FNIP1: variants seen among roughly 807,000 people sequenced by gnomAD.
FNIP1 encodes the protein folliculin-interacting protein 1.
Under a neutral mutation model 124.5 loss-of-function variants are expected in FNIP1, and 40 were observed. That is an observed-to-expected ratio of 0.32 (90% CI 0.25 to 0.42). FNIP1 has a LOEUF of 0.42. FNIP1 is among the 10% of genes least tolerant of loss of function. The probability of loss-of-function intolerance (pLI) is 1.00; values close to 1 mark genes in which losing one functional copy is unlikely to be tolerated. For missense variants in FNIP1, 1,176 were observed against 1,403.7 expected (o/e 0.84, Z 2.59); for synonymous variants, 472 against 470.6 (o/e 1.00, Z -0.04).
At chr5:131,753,396 T>C (rs925026420) in intron 1 of FNIP1, among the ~76,000 whole-genome samples, 1 of 152,230 alleles carries the variant, frequency 6.6e-6, no homozygotes, top group Non-Finnish European at 1.5e-5. Flanking sequence ...GATATATTCC[T>C]ACATTGAAAT....
In FNIP1 at chr5:131,642,794, G is replaced by GGGA. The variant is rs1766753823; in HGVS notation, c.*1888_*1890dup. The GGGA allele has an allele frequency of 6.7e-6, 1 of 149,832 alleles. No individual in the cohort carries two copies. Among genetic ancestry groups the GGGA allele is most frequent in the Admixed American group, 6.7e-5 (1 of 14,876 alleles). 9.3% of individuals were successfully genotyped at this position (149,832 alleles called of 1,614,324 possible). On this transcript the variant is annotated 3_prime_UTR_variant, in exon 18 of 18. Transcript: ENST00000510461. ...CTGAGGCAGGAGAATCACTTGAACT[G>GGGA]GGAGGCGGAGGTTGCAGTGAGCTGA...
intron 1 of FNIP1, among the ~76,000 whole-genome samples, chr5:131,778,205 C>CA (rs894408462): frequency 7.3e-5 from 11 of 151,238 alleles, no homozygotes; most frequent in African/African-American, 2.2e-4. Flanking sequence ...AAAACAAAAA[C>CA]AAAAAAAACA....
chr5:131,718,442 C>A (rs1769544372), intron 5 of FNIP1, among the ~76,000 whole-genome samples: 1 of 152,168 alleles, frequency 6.6e-6, no homozygotes, highest in African/African-American at 2.4e-5. Context: ...TCTTCCACTG[C>A]CTAACTTTAG....
In FNIP1 at chr5:131,758,286, C is replaced by G. The variant is rs570734939; in HGVS notation, c.93-13596G>C. Among the ~76,000 whole-genome samples the G allele has an allele frequency of 3.6e-4, 55 of 152,286 alleles. 1 individual carries two copies. The South Asian group carries it at 6.4e-3, about 18-fold the overall frequency. Reference sequence around the variant, plus strand: ...CTACCTAAAGTTGCTGTTCTGGATACAGCTGGCTGGTGCCTCTTCTTTTCA... The same window carrying G: ...CTACCTAAAGTTGCTGTTCTGGATAGAGCTGGCTGGTGCCTCTTCTTTTCA... On this transcript the variant is annotated intron_variant, in intron 1 of 17. Coordinates refer to ENST00000510461, the MANE Select transcript of FNIP1 (RefSeq NM_133372.3).
At chr5:131,766,193 C>T (rs1771418391) in intron 1 of FNIP1, among the ~76,000 whole-genome samples, 1 of 151,772 alleles carries the variant, frequency 6.6e-6, no homozygotes, top group Non-Finnish European at 1.5e-5. Flanking sequence ...CACAAGTGAT[C>T]CTTCTGCCTC....
intron 15 of FNIP1, among the ~76,000 whole-genome samples, chr5:131,664,968 ATT>A (rs1767552527): frequency 6.6e-6 from 1 of 151,586 alleles, no homozygotes; most frequent in South Asian, 2.1e-4. Context: ...ATGCTTGTGT[ATT>A]TATCTGTGTA....
chr5:131,722,833 G>A (rs558904573), intron 3 of FNIP1, among the ~76,000 whole-genome samples: 32 of 152,148 alleles, frequency 2.1e-4, no homozygotes, highest in African/African-American at 6.7e-4. Flanking sequence ...ATACAGGTGC[G>A]TACCACCATA....
In FNIP1 at chr5:131,796,859, G is replaced by C. The variant is rs962865844; in HGVS notation, c.63C>G (p.Arg21=). 2.5e-6 allele frequency: 4 copies of C among 1,605,066 alleles called. No homozygotes were observed. The highest frequency in any genetic ancestry group is 2.5e-6 in the Non-Finnish European group (3 of 1,176,572). ...ACCCGCAATCTGGGTCCCGGGCGTCGCGGCCGGGCGCGCCCAGCCCGGTCC... is the reference window on the plus strand; with the variant it reads ...ACCCGCAATCTGGGTCCCGGGCGTCCCGGCCGGGCGCGCCCAGCCCGGTCC... The part of the protein sequence containing the change: ...SKRTGLGAPG[R]DARDPDCGFS... Residue 21 remains arginine (R), a synonymous_variant, in exon 1 of 18, where the codon CGC becomes CGG. Transcript: ENST00000510461.
chr5:131,744,624 T>A lies in FNIP1; in HGVS notation c.159A>T (p.Arg53=). ...RLIVYQDCER[R]GRNVLFDSSV... is the part of the protein sequence containing the mutation. The stretch of plus-strand genomic sequence containing the variant: ...TGGAGTCAAACAAAACATTTCTCCC[T>A]CGTCTTTCACAGTCTTGATATACAA... Residue 53 remains arginine (R), a synonymous_variant, in exon 2 of 18, where the codon CGA becomes CGT. Coordinates refer to ENST00000510461, the MANE Select transcript of FNIP1 (RefSeq NM_133372.3). The A allele has an allele frequency of 5.6e-6, 9 of 1,612,442 alleles. No homozygotes were observed. Among genetic ancestry groups the A allele is most frequent in the South Asian group, 1.1e-5 (1 of 90,800 alleles).
At chr5:131,735,458 T>TATATATATATTTTC (rs1455631777) in intron 2 of FNIP1, among the ~76,000 whole-genome samples, 1 of 148,632 alleles carries the variant, frequency 6.7e-6, no homozygotes, top group African/African-American at 2.5e-5. Context: ...TAAAGTATTT[T>TATATATATATTTTC]ATATATATAC....
At chr5:131,716,712 T>C in intron 5 of FNIP1, 56 bp from the exon 6 acceptor site, 2 of 1,071,518 alleles carry the variant, frequency 1.9e-6, no homozygotes, top group Non-Finnish European at 2.7e-6. Flanking sequence ...TTAAGGACAA[T>C]TCTTTGTACA....
chr5:131,718,939 T>C, intron 5 of FNIP1, 47 bp downstream of exon 5: 3 of 1,501,856 alleles, frequency 2.0e-6, no homozygotes, highest in Admixed American at 1.7e-5. Flanking sequence ...TTTCATACTT[T>C]GCACATCTAA....
intron 11 of FNIP1, among the ~76,000 whole-genome samples, chr5:131,692,104 T>C (rs943446205): frequency 6.6e-6 from 1 of 152,064 alleles, no homozygotes; most frequent in African/African-American, 2.4e-5. Flanking sequence ...AATAAAACAG[T>C]CTTTATTTGT....
chr5:131,756,750 T>C (rs1323187791), intron 1 of FNIP1, among the ~76,000 whole-genome samples: 2 of 152,202 alleles, frequency 1.3e-5, no homozygotes, highest in Non-Finnish European at 2.9e-5. Context: ...CAAGCATATT[T>C]ACAAGCATAT....
chr5:131,760,344 G>A (rs780184528), intron 1 of FNIP1, among the ~76,000 whole-genome samples: 1 of 152,142 alleles, frequency 6.6e-6, no homozygotes, highest in Non-Finnish European at 1.5e-5. Context: ...ACACTAGTTT[G>A]TATCTCAATA....
Position 131,672,827 on chromosome 5 carries a change from A to G in FNIP1, c.1617T>C (p.Leu539=). The change falls in exon 14 of 18, where the codon CTT becomes CTC. Residue 539 remains leucine, a synonymous_variant. Coordinates refer to ENST00000510461, the MANE Select transcript of FNIP1 (RefSeq NM_133372.3). ...GTTCAGAGCATCTTATAAAATAAGT[A>G]AGAAAATAAAGTAGCCTCTGGACCA... ...QDMVQRLLYF[L]TYFIRCSELQ... 6.2e-7 allele frequency: 1 copy of G among 1,613,298 alleles called. No individual in the cohort carries two copies. The highest frequency in any genetic ancestry group is 1.1e-5 in the South Asian group (1 of 90,856).
At chr5:131,698,805 A>G (rs992181128) in intron 11 of FNIP1, 112 bp downstream of exon 11, 2 of 818,502 alleles carry the variant, frequency 2.4e-6, no homozygotes, top group Non-Finnish European at 3.7e-6. Flanking sequence ...TTACACCATC[A>G]TATGACTATA....
At chr5:131,736,867 G>A (rs2149554868) in intron 2 of FNIP1, among the ~76,000 whole-genome samples, 1 of 152,282 alleles carries the variant, frequency 6.6e-6, no homozygotes, top group South Asian at 2.1e-4. Flanking sequence ...AATACACATT[G>A]ACGTATTCAA....
chr5:131,667,226 T>C (rs1767628706), intron 15 of FNIP1, among the ~76,000 whole-genome samples: 1 of 152,230 alleles, frequency 6.6e-6, no homozygotes, highest in East Asian at 1.9e-4. Context: ...AGTTAAAAAC[T>C]TGAAGTCAGA....
Sources: gnomAD v4.1 joint callset for allele counts (sites outside exome capture counted in the v4.1 genomes callset) on GRCh38, gnomAD v4.1.1 for gene constraint, MANE v1.5 for transcripts, NCBI Gene and HGNC (gene_info 2026-07-23, HGNC 2026-07-21) for gene names.